ROBO2: variants seen among roughly 807,000 people sequenced by gnomAD.
ROBO2 encodes the protein roundabout homolog 2.
In ROBO2, 53 loss-of-function variants were observed where a neutral mutation model predicts 160.8. The observed-to-expected ratio is 0.33, with a 90% CI of 0.26 to 0.41. The LOEUF (loss-of-function observed/expected upper bound fraction) is 0.41, where lower values mean the gene tolerates loss of function less well. Among genes scored for constraint, ROBO2 ranks in the 10% least tolerant of loss-of-function variants. ROBO2 has a pLI of 1.00. For synonymous variants in ROBO2, 664 were observed against 611.7 expected (o/e 1.09, Z -1.26); for missense variants, 1,577 against 1,722.4 (o/e 0.92, Z 1.49).
intron 2 of ROBO2, among the ~76,000 whole-genome samples, chr3:76,786,358 G>T (rs2062972931): frequency 6.6e-6 from 1 of 151,180 alleles, no homozygotes; most frequent in Non-Finnish European, 1.5e-5. Flanking sequence ...CAATTTAATT[G>T]GCTCATGGTT....
intron 2 of ROBO2, among the ~76,000 whole-genome samples, chr3:76,134,961 A>G (rs1342594394): frequency 6.6e-6 from 1 of 152,110 alleles, no homozygotes; most frequent in Non-Finnish European, 1.5e-5. Flanking sequence ...ATTGTTGACC[A>G]TATAATGATT....
chr3:76,794,673 G>A (rs923429977), intron 2 of ROBO2, among the ~76,000 whole-genome samples: 55 of 152,074 alleles, frequency 3.6e-4, no homozygotes, highest in Non-Finnish European at 2.7e-4. Flanking sequence ...AATACAGGTA[G>A]CAATATAAAA....
intron 2 of ROBO2, among the ~76,000 whole-genome samples, chr3:77,209,603 C>T (rs562060552): frequency 6.6e-5 from 10 of 152,092 alleles, no homozygotes; most frequent in African/African-American, 2.2e-4. Context: ...TATTGACAAC[C>T]GAGGCAAATT....
intron 2 of ROBO2, among the ~76,000 whole-genome samples, chr3:76,444,563 T>C (rs967421593): frequency 3.9e-5 from 6 of 152,120 alleles, no homozygotes; most frequent in Admixed American, 2.0e-4. Context: ...CCTTCTTCAC[T>C]AGTCAAGGGG....
intron 2 of ROBO2, among the ~76,000 whole-genome samples, chr3:77,300,062 T>C (rs926681934): frequency 2.6e-5 from 4 of 152,194 alleles, no homozygotes; most frequent in African/African-American, 9.7e-5. Context: ...ATATATTGTA[T>C]ATGTACAACA....
intron 2 of ROBO2, among the ~76,000 whole-genome samples, chr3:76,275,052 C>T (rs943628524): frequency 7.3e-5 from 11 of 151,698 alleles, no homozygotes; most frequent in African/African-American, 1.7e-4. Context: ...AAATAACTGC[C>T]CCAACTCACC....
At chr3:75,950,098 A>G (rs1344374793) in intron 2 of ROBO2, among the ~76,000 whole-genome samples, 3 of 152,062 alleles carry the variant, frequency 2.0e-5, no homozygotes, top group Non-Finnish European at 4.4e-5. Flanking sequence ...CAATCTCTAA[A>G]TCATTGTGTC....
intron 7 of ROBO2, among the ~76,000 whole-genome samples, chr3:77,549,072 C>T (rs1314211484): frequency 6.6e-6 from 1 of 151,902 alleles, no homozygotes; most frequent in Non-Finnish European, 1.5e-5. Flanking sequence ...CAGGCACTCT[C>T]CAAGGCGGGA....
intron 2 of ROBO2, among the ~76,000 whole-genome samples, chr3:77,288,381 GT>G (rs1408409161): frequency 1.3e-5 from 2 of 152,166 alleles, no homozygotes; most frequent in Non-Finnish European, 2.9e-5. Flanking sequence ...AAGCATACAA[GT>G]TTTTGGATAG....
chr3:77,552,307 C>T (rs1200659469), intron 8 of ROBO2, among the ~76,000 whole-genome samples: 3 of 151,922 alleles, frequency 2.0e-5, no homozygotes, highest in African/African-American at 7.2e-5. Flanking sequence ...TATCATTTAA[C>T]TACTTATAAT....
At chr3:76,705,598 G>A (rs562693471) in intron 2 of ROBO2, among the ~76,000 whole-genome samples, 1 of 152,042 alleles carries the variant, frequency 6.6e-6, no homozygotes, top group African/African-American at 2.4e-5. Flanking sequence ...TCATTGGGGA[G>A]AAACTAAAAT....
chr3:76,482,294 C>T (rs897366516), intron 2 of ROBO2, among the ~76,000 whole-genome samples: 5 of 152,102 alleles, frequency 3.3e-5, no homozygotes, highest in Non-Finnish European at 7.4e-5. Context: ...TTATTAGAAT[C>T]TTACAATGGT....
At chr3:76,873,600 C>T (rs2072369983) in intron 2 of ROBO2, among the ~76,000 whole-genome samples, 1 of 151,766 alleles carries the variant, frequency 6.6e-6, no homozygotes, top group African/African-American at 2.4e-5. Context: ...TTGTCGTCGT[C>T]GTAGTAGTAG....
chr3:76,920,213 T>C (rs1213955301), intron 2 of ROBO2, among the ~76,000 whole-genome samples: 1 of 152,014 alleles, frequency 6.6e-6, no homozygotes, highest in African/African-American at 2.4e-5. Flanking sequence ...TAACCTAAAG[T>C]CTCAGTATTG....
At chr3:75,937,551 T>C (rs1209658756) in exon 2 of ROBO2, 3 of 1,576,582 alleles carry the variant, frequency 1.9e-6, no homozygotes, top group Non-Finnish European at 2.6e-6. Flanking sequence ...TCCGGGACTG[T>C]TGATGATGAC....
intron 2 of ROBO2, among the ~76,000 whole-genome samples, chr3:76,382,404 C>A (rs1035645359): frequency 1.3e-5 from 2 of 152,088 alleles, no homozygotes; most frequent in African/African-American, 4.8e-5. Context: ...CTGGCTAACA[C>A]GGTGGAACCC....
intron 2 of ROBO2, among the ~76,000 whole-genome samples, chr3:77,136,208 G>A (rs138126439): frequency 8.7e-4 from 132 of 152,256 alleles, no homozygotes; most frequent in Non-Finnish European, 1.4e-3. Flanking sequence ...AACTAAGGAG[G>A]CAGTAAGATA....
chr3:77,587,319 T>G (rs765753739), intron 16 of ROBO2, among the ~76,000 whole-genome samples: 64 of 152,200 alleles, frequency 4.2e-4, no homozygotes, highest in Non-Finnish European at 8.2e-4. Flanking sequence ...TAATGCTCAG[T>G]TACTTTTTTG....
chr3:76,904,794 A>T (rs558566432), intron 2 of ROBO2, among the ~76,000 whole-genome samples: 1 of 152,266 alleles, frequency 6.6e-6, no homozygotes, highest in South Asian at 2.1e-4. Flanking sequence ...TATATTTTGT[A>T]TTCCCAAAAC....
Sources: gnomAD v4.1 joint callset for allele counts (sites outside exome capture counted in the v4.1 genomes callset) on GRCh38, gnomAD v4.1.1 for gene constraint, MANE v1.5 for transcripts, NCBI Gene and HGNC (gene_info 2026-07-23, HGNC 2026-07-21) for gene names.